DOCK2: variants seen among roughly 807,000 people sequenced by gnomAD.
The protein encoded by DOCK2 is dedicator of cytokinesis protein 2.
A neutral mutation model predicts 248.9 loss-of-function variants in DOCK2; 87 were observed. That is an observed-to-expected ratio of 0.35 (90% CI 0.29 to 0.42). The LOEUF is 0.42. Ranked by LOEUF, DOCK2 falls within the 10% of genes least tolerant of loss-of-function variation. DOCK2 has a pLI of 1.00. For missense variants in DOCK2, 1,747 were observed against 2,300.2 expected, an observed-to-expected ratio of 0.76 and a Z score of 4.92; for synonymous variants, 805 against 821.6, an observed-to-expected ratio of 0.98 and a Z score of 0.35.
intron 29 of DOCK2, among the ~76,000 whole-genome samples, chr5:169,986,572 A>G (rs1027748282): frequency 6.6e-6 from 1 of 152,230 alleles, no homozygotes; most frequent in Non-Finnish European, 1.5e-5. Flanking sequence ...TAGGTTTCTT[A>G]TATCATTTCA....
chr5:169,833,256 C>T (rs1187053866), intron 26 of DOCK2, among the ~76,000 whole-genome samples: 1 of 152,120 alleles, frequency 6.6e-6, no homozygotes, highest in Non-Finnish European at 1.5e-5. Context: ...ACAAAATCAC[C>T]TCACTTCTAA....
chr5:169,990,111 T>C (rs2113792369), intron 29 of DOCK2, among the ~76,000 whole-genome samples: 1 of 151,966 alleles, frequency 6.6e-6, no homozygotes, highest in East Asian at 1.9e-4. Flanking sequence ...TTCTTCTTTT[T>C]CTTTTGAGAC....
At chr5:169,959,320 G>C (rs1402361515) in intron 27 of DOCK2, among the ~76,000 whole-genome samples, 1 of 151,418 alleles carries the variant, frequency 6.6e-6, no homozygotes, top group Non-Finnish European at 1.5e-5. Context: ...TTGAACCTGA[G>C]ATCACACCAC....
intron 27 of DOCK2, among the ~76,000 whole-genome samples, chr5:169,951,191 G>A (rs1447587988): frequency 6.6e-6 from 1 of 152,178 alleles, no homozygotes; most frequent in Non-Finnish European, 1.5e-5. Context: ...AAGGGGAATG[G>A]TTCTTATACT....
At chr5:169,814,927 C>G (rs1767975106) in intron 26 of DOCK2, among the ~76,000 whole-genome samples, 1 of 152,154 alleles carries the variant, frequency 6.6e-6, no homozygotes, top group Non-Finnish European at 1.5e-5. Flanking sequence ...TCCTAACTGT[C>G]TCAACCAATC....
chr5:170,018,749 G>A (rs553334144), intron 32 of DOCK2, among the ~76,000 whole-genome samples: 14 of 152,284 alleles, frequency 9.2e-5, no homozygotes, highest in East Asian at 3.9e-4. Flanking sequence ...CTTAATAATC[G>A]GGCTTGTTTT....
intron 22 of DOCK2, among the ~76,000 whole-genome samples, chr5:169,725,643 G>A (rs181218663): frequency 0.013 from 1,969 of 151,862 alleles, 55 homozygotes; most frequent in African/African-American, 0.046. Context: ...TTCTCCTAAT[G>A]CTATTCCTCC....
intron 33 of DOCK2, among the ~76,000 whole-genome samples, 161 bp from the exon 34 acceptor site, chr5:170,027,702 G>C (rs973764190): frequency 1.3e-5 from 2 of 152,068 alleles, no homozygotes; most frequent in African/African-American, 4.8e-5. Flanking sequence ...ACTCCAAAAA[G>C]GCAGACATAG....
At chr5:169,820,680 A>G (rs1446676803) in intron 26 of DOCK2, among the ~76,000 whole-genome samples, 11 of 152,258 alleles carry the variant, frequency 7.2e-5, no homozygotes, top group Admixed American at 6.5e-4. Context: ...AAAACAGAGC[A>G]GAAAAACTGA....
intron 27 of DOCK2, among the ~76,000 whole-genome samples, chr5:169,889,456 C>A (rs1773162089): frequency 6.6e-6 from 1 of 152,184 alleles, no homozygotes; most frequent in South Asian, 2.1e-4. Context: ...CCTTGTAATG[C>A]CAACCTCATA....
intron 25 of DOCK2, among the ~76,000 whole-genome samples, chr5:169,784,915 G>GA (rs1765903794): frequency 6.6e-6 from 1 of 152,192 alleles, no homozygotes; most frequent in Non-Finnish European, 1.5e-5. Flanking sequence ...GTTTCCCACT[G>GA]AAAAACATAA....
Position 170,076,223 on chromosome 5 carries a change from A to T in DOCK2, c.4866+139A>T. On this transcript the variant is annotated intron_variant, in intron 47 of 51. Transcript: ENST00000520908. ...AGATAATGATGGCCAGCATTGCTGG[A>T]TCCCATCCAGGGGAACCCTCCTGGA... 4 of 1,315,074 alleles carry T rather than the reference A, an allele frequency of 3.0e-6. No homozygotes were observed. In the South Asian group the frequency reaches 6.1e-5, roughly 20 times the overall value. 81.5% of individuals were successfully genotyped at this position (1,315,074 alleles called of 1,614,324 possible). A position where few individuals can be genotyped will look rare whatever the true frequency, so the allele number is the denominator to read the frequency against.
At chr5:169,662,095 C>T (rs1365892518) in intron 2 of DOCK2, among the ~76,000 whole-genome samples, 1 of 152,190 alleles carries the variant, frequency 6.6e-6, no homozygotes, top group African/African-American at 2.4e-5. Flanking sequence ...AGAAGAGTTC[C>T]CCTTTTTCCA....
chr5:169,683,393 C>A (rs1004295132), intron 7 of DOCK2, among the ~76,000 whole-genome samples: 1 of 89,548 alleles, frequency 1.1e-5, no homozygotes, highest in East Asian at 2.8e-4. Flanking sequence ...ACATGCCTGG[C>A]TAATTTTTTT....
At chr5:169,732,547 G>A (rs1403956473) in intron 22 of DOCK2, among the ~76,000 whole-genome samples, 2 of 152,168 alleles carry the variant, frequency 1.3e-5, no homozygotes, top group African/African-American at 4.8e-5. Flanking sequence ...TCAAATTCAT[G>A]ATGTGCTCTA....
chr5:169,704,624 AAAC>A (rs554603325), intron 14 of DOCK2, among the ~76,000 whole-genome samples: 44 of 152,306 alleles, frequency 2.9e-4, no homozygotes, highest in African/African-American at 9.4e-4. Flanking sequence ...GTAGGTATTA[AAAC>A]AACTAAAAGA....
chr5:169,731,505 A>C (rs262871), intron 22 of DOCK2, among the ~76,000 whole-genome samples: 48,736 of 152,022 alleles, frequency 0.32, 11,622 homozygotes, highest in African/African-American at 0.66. Context: ...ATGTAAGTCC[A>C]TTAAACCTCT....
In DOCK2 at chr5:170,069,270, C is replaced by T. The variant is rs200739689; in HGVS notation, c.4728+50C>T. 303 of 1,589,492 alleles carry T rather than the reference C, an allele frequency of 1.9e-4. 5 individuals are homozygous for T. The East Asian group carries it at 4.4e-3, about 23-fold the overall frequency. The stretch of plus-strand genomic sequence containing the variant: ...CATGCTGCTCTCCTTCCTCTCCCCC[C>T]ACCGTGGTTCACTTGCCCCACGCTA... On this transcript the variant is annotated intron_variant, in intron 46 of 51. Transcript: ENST00000520908.
At chr5:169,765,680 C>G (rs777188980) in intron 25 of DOCK2, among the ~76,000 whole-genome samples, 3 of 152,194 alleles carry the variant, frequency 2.0e-5, no homozygotes, top group South Asian at 4.1e-4. Context: ...AAAACAAACA[C>G]AGAGAGAGAT....
Sources: allele counts gnomAD v4.1 joint callset (sites outside exome capture counted in the v4.1 genomes callset), GRCh38; gene constraint gnomAD v4.1.1; transcripts MANE v1.5; gene names NCBI Gene and HGNC (gene_info 2026-07-23, HGNC 2026-07-21).